SLC6A6: variants seen among roughly 807,000 people sequenced by gnomAD.
SLC6A6 encodes the protein sodium- and chloride-dependent taurine transporter.
A neutral mutation model predicts 68.8 loss-of-function variants in SLC6A6; 16 were observed. That is an observed-to-expected ratio of 0.23 (90% CI 0.16 to 0.35). The LOEUF (loss-of-function observed/expected upper bound fraction) is 0.35. Ranked by LOEUF, SLC6A6 falls within the 10% of genes least tolerant of loss-of-function variation. The pLI is 1.00. For synonymous variants in SLC6A6, 312 were observed against 315.4 expected (o/e 0.99, Z 0.12); for missense variants, 474 against 802.8 (o/e 0.59, Z 4.95).
chr3:14,407,756 C>T (rs766759961), intron 1 of SLC6A6, among the ~76,000 whole-genome samples: 28 of 152,094 alleles, frequency 1.8e-4, no homozygotes, highest in Non-Finnish European at 2.8e-4. Context: ...TCCACCCTTG[C>T]GGGCCTCCCA....
At chr3:14,405,106 T>C (rs1272579748) in intron 1 of SLC6A6, among the ~76,000 whole-genome samples, 1 of 152,196 alleles carries the variant, frequency 6.6e-6, no homozygotes, top group Non-Finnish European at 1.5e-5. Context: ...GGGGCTTTGG[T>C]CACTGATATC....
At chr3:14,429,945 T>G (rs1699684976) in intron 2 of SLC6A6, among the ~76,000 whole-genome samples, 1 of 141,962 alleles carries the variant, frequency 7.0e-6, no homozygotes, top group Admixed American at 7.0e-5. Context: ...TGGTGAATGG[T>G]GGGGGTGATT....
At chr3:14,417,781 A>G (rs2124907246) in intron 2 of SLC6A6, among the ~76,000 whole-genome samples, 1 of 151,456 alleles carries the variant, frequency 6.6e-6, no homozygotes, top group African/African-American at 2.4e-5. Context: ...TAACCCTAGC[A>G]CAGTTATCTA....
intron 5 of SLC6A6, chr3:14,448,227 T>G: frequency 6.1e-6 from 2 of 328,322 alleles, no homozygotes; most frequent in Non-Finnish European, 4.6e-6. Flanking sequence ...GGAAAGTGAG[T>G]AGGTAGAGTG....
At chr3:14,441,372 A>AACAATGCTGGC (rs1201355578) in intron 2 of SLC6A6, among the ~76,000 whole-genome samples, 5 of 151,890 alleles carry the variant, frequency 3.3e-5, no homozygotes, top group Admixed American at 2.6e-4. Context: ...TCAATGCTGG[A>AACAATGCTGGC]ACAATGCTGG....
At chr3:14,436,173 A>G (rs6791435) in intron 2 of SLC6A6, among the ~76,000 whole-genome samples, 119,209 of 152,180 alleles carry the variant, frequency 0.78, 47,132 homozygotes, top group African/African-American at 0.89. Flanking sequence ...ACTTAGAGTG[A>G]TGGAAAGAGC....
intron 1 of SLC6A6, among the ~76,000 whole-genome samples, chr3:14,405,347 T>A (rs1257376377): frequency 6.6e-6 from 1 of 152,242 alleles, no homozygotes; most frequent in African/African-American, 2.4e-5. Flanking sequence ...TAACCTGAAC[T>A]TGTCCGCCTG....
chr3:14,447,446 A>G (rs1700151410), intron 4 of SLC6A6, 136 bp from the exon 5 acceptor site: 4 of 1,029,772 alleles, frequency 3.9e-6, no homozygotes, highest in Non-Finnish European at 5.8e-6. Flanking sequence ...TCACCCTATA[A>G]ATATTTGGTG....
intron 2 of SLC6A6, among the ~76,000 whole-genome samples, chr3:14,421,017 C>CT (rs1699473482): frequency 6.6e-6 from 1 of 152,336 alleles, no homozygotes; most frequent in Admixed American, 6.5e-5. Context: ...GTTTGAGATG[C>CT]TGCATACGTG....
At position 14,409,246 on chromosome 3, in the gene SLC6A6, T is replaced by C. The variant is rs552908969; in HGVS notation, c.-54+6399T>C. The stretch of plus-strand genomic sequence containing the variant: ...GCCATTCCAAACAGCCAGCCTGCAT[T>C]TGGGAGCCACTGACTTTGCGTGTCC... On this transcript the variant is annotated intron_variant, in intron 1 of 14. Coordinates refer to ENST00000622186, the MANE Select transcript of SLC6A6 (RefSeq NM_003043.6). 3.9e-5 allele frequency among the ~76,000 whole-genome samples: 6 copies of C among 152,318 alleles called. No individual in the cohort carries two copies. The South Asian group carries it at 1.2e-3, about 32-fold the overall frequency.
At chr3:14,453,776 A>G (rs533375104) in intron 5 of SLC6A6, among the ~76,000 whole-genome samples, 1 of 152,358 alleles carries the variant, frequency 6.6e-6, no homozygotes, top group South Asian at 2.1e-4. Context: ...GGTGGCCAGG[A>G]ACAGCTGCCC....
rs147297653 is a variant in SLC6A6 at position 14,433,759 on chromosome 3, G to T, written c.-11-9865G>T. ...GCGGAGGTTGCAGAGAGCTGAGATC[G>T]CACCCTGCACTCCAGCTTGGGCAAC... On this transcript the variant is annotated intron_variant, in intron 2 of 14. Coordinates refer to ENST00000622186, the MANE Select transcript of SLC6A6 (RefSeq NM_003043.6). Among the ~76,000 whole-genome samples, 267 of 134,020 alleles carry T rather than the reference G, an allele frequency of 2.0e-3. 1 individual carries two copies. The highest frequency in any genetic ancestry group is 7.4e-3 in the African/African-American group (257 of 34,724). The allele number at this position is 134,020 out of a possible 152,430, so 87.9% of individuals were successfully genotyped here.
intron 2 of SLC6A6, among the ~76,000 whole-genome samples, chr3:14,437,748 T>G (rs1699890042): frequency 6.6e-6 from 1 of 151,906 alleles, no homozygotes; most frequent in African/African-American, 2.4e-5. Context: ...AATTTTGTGG[T>G]TTTTGACCAG....
chr3:14,449,001 A>T (rs1477424626), intron 5 of SLC6A6, among the ~76,000 whole-genome samples: 1 of 152,200 alleles, frequency 6.6e-6, no homozygotes, highest in Non-Finnish European at 1.5e-5. Context: ...CTGGTTCTGA[A>T]TCATCACGAG....
At chr3:14,483,385 C>T (rs1701055857) in intron 14 of SLC6A6, among the ~76,000 whole-genome samples, 1 of 152,384 alleles carries the variant, frequency 6.6e-6, no homozygotes, top group East Asian at 1.9e-4. Flanking sequence ...ATGAGCTTCT[C>T]TCTGAGCCAG....
At chr3:14,441,084 C>T (rs1442901168) in intron 2 of SLC6A6, among the ~76,000 whole-genome samples, 1 of 152,132 alleles carries the variant, frequency 6.6e-6, no homozygotes, top group Admixed American at 6.5e-5. Context: ...CTAGAGGGTT[C>T]TCGAATATTA....
At chr3:14,419,104 A>G (rs948307267) in intron 2 of SLC6A6, among the ~76,000 whole-genome samples, 3 of 152,230 alleles carry the variant, frequency 2.0e-5, no homozygotes, top group Non-Finnish European at 2.9e-5. Context: ...AGAGGTTGCC[A>G]ATGTTCCTCT....
At chr3:14,413,155 G>T (rs993336370) in intron 1 of SLC6A6, among the ~76,000 whole-genome samples, 1 of 152,212 alleles carries the variant, frequency 6.6e-6, no homozygotes, top group Non-Finnish European at 1.5e-5. Flanking sequence ...GCCTGGGAGT[G>T]GGGGAGCCAC....
intron 2 of SLC6A6, among the ~76,000 whole-genome samples, chr3:14,426,752 G>A (rs1388246249): frequency 1.3e-5 from 2 of 152,116 alleles, no homozygotes. Context: ...AATAAGCCGG[G>A]ACCCTCCTCA....
Sources: allele counts gnomAD v4.1 joint callset (sites outside exome capture counted in the v4.1 genomes callset), GRCh38; gene constraint gnomAD v4.1.1; transcripts MANE v1.5; gene names NCBI Gene and HGNC (gene_info 2026-07-23, HGNC 2026-07-21).